COL11A1: variants seen among roughly 807,000 people sequenced by gnomAD.
COL11A1 encodes collagen type XI alpha 1 chain, also known as collagen alpha-1(XI) chain.
In COL11A1, 74 loss-of-function variants were observed where a neutral mutation model predicts 265.2. That is an observed-to-expected ratio of 0.28 (90% CI 0.23 to 0.34). The LOEUF (loss-of-function observed/expected upper bound fraction) is 0.34, where lower values mean the gene tolerates loss of function less well. COL11A1 is among the 10% of genes least tolerant of loss of function. The pLI is 1.00. For missense variants in COL11A1, 2,165 were observed against 2,263.6 expected, an observed-to-expected ratio of 0.96 and a Z score of 0.88; for synonymous variants, 816 against 727.6, an observed-to-expected ratio of 1.12 and a Z score of -1.96.
chr1:103,014,091 T>C (rs770725215), intron 13 of COL11A1, among the ~76,000 whole-genome samples: 19 of 152,104 alleles, frequency 1.2e-4, no homozygotes, highest in East Asian at 7.7e-4. Flanking sequence ...ATCCATGATA[T>C]GTTAAATAAT....
Position 102,967,390 on chromosome 1 carries a change from G to A in COL11A1, c.2863-1850C>T, listed in dbSNP as rs188205954. ...AGAGTAGCTGGGACTACAGGCACCC[G>A]CCACCAAGCCCGGCTAATTTTTTGT... On this transcript the variant is annotated intron_variant, in intron 37 of 66. Coordinates refer to ENST00000370096, the MANE Select transcript of COL11A1 (RefSeq NM_001854.4). Among the ~76,000 whole-genome samples the A allele has an allele frequency of 6.8e-3, 1,031 of 151,594 alleles. 3 individuals carry two copies. Among genetic ancestry groups the A allele is most frequent in the Non-Finnish European group, 0.01 (688 of 67,806 alleles).
At chr1:103,022,005 CCTAG>C (rs989551263) in intron 8 of COL11A1, among the ~76,000 whole-genome samples, 5 of 118,812 alleles carry the variant, frequency 4.2e-5, no homozygotes, top group African/African-American at 1.5e-4. Context: ...CGCCACCACA[CCTAG>C]CTAATTTTTT....
intron 7 of COL11A1, among the ~76,000 whole-genome samples, chr1:103,023,241 A>G (rs184383561): frequency 9.2e-5 from 14 of 152,318 alleles, no homozygotes; most frequent in African/African-American, 3.4e-4. Context: ...ATTCACATGG[A>G]ATTAACATGT....
In COL11A1 at chr1:102,974,482, G is replaced by A. The variant is rs1024260476; in HGVS notation, c.2808+348C>T. On this transcript the variant is annotated intron_variant, in intron 36 of 66. Coordinates refer to ENST00000370096, the MANE Select transcript of COL11A1 (RefSeq NM_001854.4). ...ATTTGAAGAAGGTTATTTTGATGAT[G>A]GAAGATAAAGATAAATTCGAATATA... Among the ~76,000 whole-genome samples, 25 of 152,102 alleles carry A rather than the reference G, an allele frequency of 1.6e-4. No homozygotes were observed. The South Asian group carries it at 1.7e-3, about 10-fold the overall frequency.
chr1:103,051,243 T>C (rs1333469111), intron 4 of COL11A1, among the ~76,000 whole-genome samples: 2 of 152,324 alleles, frequency 1.3e-5, no homozygotes, highest in East Asian at 3.9e-4. Flanking sequence ...GCTGTGGTGG[T>C]CTCCACCCAG....
At chr1:102,886,493 A>G (rs970914472) in intron 63 of COL11A1, among the ~76,000 whole-genome samples, 4 of 152,176 alleles carry the variant, frequency 2.6e-5, no homozygotes, top group African/African-American at 9.7e-5. Flanking sequence ...TCATATTACA[A>G]TATACACATG....
chr1:102,888,655 T>C (rs1651327792), intron 61 of COL11A1, 25 bp from the exon 62 acceptor site: 2 of 1,613,798 alleles, frequency 1.2e-6, no homozygotes, highest in East Asian at 4.5e-5. Flanking sequence ...AGAGAGGACA[T>C]AAATAAAGAA....
At chr1:103,002,838 T>C (rs758633888) in intron 21 of COL11A1, 47 bp from the exon 22 acceptor site, 2 of 1,540,078 alleles carry the variant, frequency 1.3e-6, no homozygotes, top group Admixed American at 3.4e-5. Context: ...GTTTTGATGC[T>C]AAAACAGAAA....
At chr1:102,913,074 G>C (rs1051799226) in intron 53 of COL11A1, among the ~76,000 whole-genome samples, 1 of 152,182 alleles carries the variant, frequency 6.6e-6, no homozygotes, top group South Asian at 2.1e-4. Flanking sequence ...TGATAGCAAA[G>C]CATCTAGTGG....
intron 44 of COL11A1, among the ~76,000 whole-genome samples, chr1:102,938,394 A>T (rs1658372016): frequency 1.1e-5 from 1 of 87,542 alleles, no homozygotes; most frequent in African/African-American, 6.1e-5. Context: ...AAAAAAATTA[A>T]AAAAAAAGAA....
At chr1:103,038,834 A>T (rs998143305) in intron 4 of COL11A1, among the ~76,000 whole-genome samples, 39 of 152,326 alleles carry the variant, frequency 2.6e-4, no homozygotes, top group African/African-American at 9.4e-4. Flanking sequence ...GGAATGGAAT[A>T]GATGGAACAG....
At chr1:103,026,761 T>C (rs1285150839) in intron 5 of COL11A1, among the ~76,000 whole-genome samples, 5 of 151,910 alleles carry the variant, frequency 3.3e-5, no homozygotes, top group African/African-American at 9.7e-5. Context: ...TATCTAAAAA[T>C]AAAAATGTAG....
chr1:102,894,773 C>G (rs2100894837), intron 57 of COL11A1, among the ~76,000 whole-genome samples: 1 of 152,030 alleles, frequency 6.6e-6, no homozygotes, highest in South Asian at 2.1e-4. Flanking sequence ...TCCATATGTG[C>G]TATTTATCTT....
intron 49 of COL11A1, among the ~76,000 whole-genome samples, chr1:102,919,390 A>G (rs1655713057): frequency 6.6e-6 from 1 of 151,718 alleles, no homozygotes; most frequent in Non-Finnish European, 1.5e-5. Context: ...TGCTTTAATT[A>G]AAAGAAATAA....
intron 4 of COL11A1, among the ~76,000 whole-genome samples, chr1:103,041,026 A>T (rs1462315740): frequency 6.6e-6 from 1 of 151,814 alleles, no homozygotes; most frequent in East Asian, 1.9e-4. Flanking sequence ...TTTTGAATTG[A>T]CACATAATGA....
intron 35 of COL11A1, among the ~76,000 whole-genome samples, chr1:102,975,863 A>G (rs1662417566): frequency 1.3e-5 from 2 of 152,130 alleles, no homozygotes; most frequent in Non-Finnish European, 2.9e-5. Context: ...TCTCATTACC[A>G]TTCATAAGCC....
At chr1:102,998,289 G>T in intron 25 of COL11A1, 21 bp downstream of exon 25, 2 of 1,596,704 alleles carry the variant, frequency 1.3e-6, no homozygotes, top group South Asian at 1.1e-5. Flanking sequence ...AAATTTTAAT[G>T]ACCAGGTAGC....
rs1441045737 is a variant in COL11A1 at position 102,883,262 on chromosome 1, T to A, written c.4908A>T (p.Lys1636Asn). The A allele has an allele frequency of 1.2e-6, 2 of 1,613,548 alleles. No individual in the cohort carries two copies. The highest frequency in any genetic ancestry group is 3.3e-5 in the Admixed American group (2 of 59,966). Residue 1636 changes from lysine to asparagine, a missense_variant, in exon 64 of 67, where the codon AAA becomes AAT. Physicochemically the swap from Lys to Asn is moderately conservative, Grantham distance 94. Transcript: ENST00000370096. ...CACCAGATGTGAAATTACAGTAAAC[T>A]TTGAAGGAATCTCCTGAGCAACCTT... ...PNQGCSGDSF[K>N]VYCNFTSGGE...
At chr1:103,092,535 T>C (rs148644122) in intron 1 of COL11A1, among the ~76,000 whole-genome samples, 44 of 152,182 alleles carry the variant, frequency 2.9e-4, no homozygotes, top group African/African-American at 1.1e-3. Context: ...TAAACAAACA[T>C]AAAGATGCAG....
Sources: allele counts gnomAD v4.1 joint callset (sites outside exome capture counted in the v4.1 genomes callset), GRCh38; gene constraint gnomAD v4.1.1; transcripts MANE v1.5; gene names NCBI Gene and HGNC (gene_info 2026-07-23, HGNC 2026-07-21).